Variants in UBE2Z observed in about 807,000 individuals in gnomAD.
The protein encoded by UBE2Z is ubiquitin conjugating enzyme E2 Z, also known as ubiquitin-conjugating enzyme E2 Z.
Under a neutral mutation model 32.6 loss-of-function variants are expected in UBE2Z, and 10 were observed. The observed-to-expected ratio is 0.31, with a 90% CI of 0.19 to 0.52. UBE2Z has a LOEUF of 0.52. Among genes scored for constraint, UBE2Z ranks in the 20% least tolerant of loss-of-function variants. UBE2Z has a pLI of 0.97. For synonymous variants in UBE2Z, 183 were observed against 190.8 expected (o/e 0.96, Z 0.34); for missense variants, 343 against 480.9 (o/e 0.71, Z 2.68).
At chr17:48,919,440 G>T (rs1476271280) in intron 4 of UBE2Z, among the ~76,000 whole-genome samples, 2 of 152,180 alleles carry the variant, frequency 1.3e-5, no homozygotes, top group Non-Finnish European at 2.9e-5. Flanking sequence ...GACCAAAGTT[G>T]AAGTTTATCT....
chr17:48,916,320 A>G (rs1054789677), intron 4 of UBE2Z, 133 bp downstream of exon 4: 16 of 491,086 alleles, frequency 3.3e-5, no homozygotes, highest in African/African-American at 6.2e-5. Context: ...CAGTGGTGCA[A>G]TCTCAGCTTA....
At chr17:48,913,439 C>A (rs318092) in intron 3 of UBE2Z, among the ~76,000 whole-genome samples, 62,589 of 152,108 alleles carry the variant, frequency 0.41, 15,408 homozygotes, top group East Asian at 0.71. Context: ...ACTGCAACCT[C>A]TGCCTCCCAG....
At chr17:48,923,755 C>T (rs777616559) in intron 6 of UBE2Z, among the ~76,000 whole-genome samples, 1 of 147,798 alleles carries the variant, frequency 6.8e-6, no homozygotes, top group Non-Finnish European at 1.5e-5. Context: ...TTTTTAAAGG[C>T]AGGTTCTCAC....
chr17:48,924,566 C>G (rs1207787804), intron 6 of UBE2Z, among the ~76,000 whole-genome samples: 1 of 149,874 alleles, frequency 6.7e-6, no homozygotes, highest in East Asian at 2.0e-4. Context: ...AGATAGACAG[C>G]CAGGTGCGGT....
chr17:48,920,692 G>T (rs934159990), intron 4 of UBE2Z, among the ~76,000 whole-genome samples: 1 of 152,020 alleles, frequency 6.6e-6, no homozygotes, highest in African/African-American at 2.4e-5. Flanking sequence ...CAAAGACCCT[G>T]TCTCCAAAAA....
chr17:48,908,486 C>A lies in UBE2Z; in HGVS notation c.-18C>A. On this transcript the variant is annotated 5_prime_UTR_variant, in exon 1 of 7. Transcript: ENST00000360943. ...GTCGGCGGACGTGCTGCCGAGTAGTCCCGGAAGCGAAGCAGCGATGGCGGA... is the reference window on the plus strand; with the variant it reads ...GTCGGCGGACGTGCTGCCGAGTAGTACCGGAAGCGAAGCAGCGATGGCGGA... The A allele has an allele frequency of 8.1e-7, 1 of 1,232,578 alleles. No homozygotes were observed. Among genetic ancestry groups the A allele is most frequent in the Non-Finnish European group, 1.0e-6 (1 of 988,008 alleles). 76.4% of individuals were successfully genotyped at this position (1,232,578 alleles called of 1,614,324 possible).
At chr17:48,925,925 G>C (rs1382487599) in intron 6 of UBE2Z, among the ~76,000 whole-genome samples, 1 of 152,226 alleles carries the variant, frequency 6.6e-6, no homozygotes, top group Non-Finnish European at 1.5e-5. Context: ...CAATGTGAGA[G>C]GGAAAGTTGT....
chr17:48,915,628 C>T (rs1444240340), intron 3 of UBE2Z: 1 of 184,722 alleles, frequency 5.4e-6, no homozygotes, highest in Non-Finnish European at 1.1e-5. Context: ...AGCCCCACCA[C>T]ATGGCCTCTA....
chr17:48,928,434 T>A lies in UBE2Z; in HGVS notation c.*1300T>A, dbSNP rs538702827. Reference sequence around the variant, plus strand: ...ATATGTTCTCCCCGTACTTCCAGATTTATTGTTATGGCTCCCAGTGGGTAT... The same window carrying A: ...ATATGTTCTCCCCGTACTTCCAGATATATTGTTATGGCTCCCAGTGGGTAT... On this transcript the variant is annotated 3_prime_UTR_variant, in exon 7 of 7. Coordinates refer to ENST00000360943, the MANE Select transcript of UBE2Z (RefSeq NM_023079.5). 1 of 152,822 alleles carries A rather than the reference T, an allele frequency of 6.5e-6. No homozygotes were observed. Among genetic ancestry groups the A allele is most frequent in the East Asian group, 1.9e-4 (1 of 5,182 alleles). 9.5% of individuals were successfully genotyped at this position (152,822 alleles called of 1,614,324 possible).
At chr17:48,923,482 A>C (rs1003900134) in intron 6 of UBE2Z, among the ~76,000 whole-genome samples, 2 of 151,906 alleles carry the variant, frequency 1.3e-5, no homozygotes, top group African/African-American at 4.8e-5. Flanking sequence ...AACACAAAAA[A>C]TTGGCTCAGC....
At position 48,929,030 on chromosome 17, in the gene UBE2Z, G is replaced by A. The variant is rs916717976; in HGVS notation, c.*1896G>A. ...TTTTGTTTTTTTTGTTTTCCTTTTT[G>A]GTGCAATAAAGTTTGTTTTGGCAGA... On this transcript the variant is annotated 3_prime_UTR_variant, in exon 7 of 7. Coordinates refer to ENST00000360943, the MANE Select transcript of UBE2Z (RefSeq NM_023079.5). The A allele has an allele frequency of 4.6e-5, 7 of 152,080 alleles. No individual in the cohort carries two copies. Among genetic ancestry groups the A allele is most frequent in the Non-Finnish European group, 8.8e-5 (6 of 67,950 alleles). 9.4% of individuals were successfully genotyped at this position (152,080 alleles called of 1,614,324 possible).
chr17:48,916,193 G>A lies in UBE2Z; in HGVS notation c.690+6G>A, dbSNP rs1025129717. ...ATGAGCCCGGCTTTGAACAGGTAAG[G>A]CCAGATGGGCCTGGCTCTGGGGTGT... On this transcript the variant is annotated splice_donor_region_variant and intron_variant, in intron 4 of 6. Transcript: ENST00000360943. The A allele has an allele frequency of 1.2e-5, 18 of 1,521,922 alleles. No individual in the cohort carries two copies. Among genetic ancestry groups the A allele is most frequent in the Non-Finnish European group, 1.5e-5 (17 of 1,134,812 alleles). The allele number at this position is 1,521,922 out of a possible 1,614,324, so 94.3% of individuals were successfully genotyped here.
chr17:48,921,157 T>C lies in UBE2Z; in HGVS notation c.691-3T>C, dbSNP rs1048459013. 4.4e-6 allele frequency: 7 copies of C among 1,607,470 alleles called. No homozygotes were observed. In the African/African-American group the frequency reaches 9.4e-5, roughly 22 times the overall value. On this transcript the variant is annotated splice_polypyrimidine_tract_variant and splice_region_variant and intron_variant, in intron 4 of 6. Transcript: ENST00000360943. Reference sequence around the variant, plus strand: ...GAATACTCTGGCATCTGTTACATTATAGGAGAGACATCCAGGAGACAGCAA... The same window carrying C: ...GAATACTCTGGCATCTGTTACATTACAGGAGAGACATCCAGGAGACAGCAA...
intron 4 of UBE2Z, 109 bp from the exon 5 acceptor site, chr17:48,921,051 T>A: frequency 1.2e-6 from 1 of 833,208 alleles, no homozygotes; most frequent in Non-Finnish European, 1.9e-6. Flanking sequence ...AAGGTATCTT[T>A]TTAGTTTGTG....
At position 48,922,924 on chromosome 17, in the gene UBE2Z, G is replaced by T. The variant is rs1186885485; in HGVS notation, c.881G>T (p.Gly294Val). Reference protein sequence around the residue: ...VACKDRLHLQGQTMQDPFGEK... With the variant: ...VACKDRLHLQVQTMQDPFGEK... ...TGCAAAGATCGCCTGCACCTTCAAG[G>T]CCAAACTATGCAGGTAATACAACCC... The change falls in exon 6 of 7, where the codon GGC becomes GTC. Residue 294 changes from glycine to valine, a missense_variant. Gly to Val is a moderately radical substitution (Grantham distance 109, BLOSUM62 -3). This residue lies in a region of UBE2Z where 182 missense variants were observed against 312.4 expected (regional missense o/e 0.58). Coordinates refer to ENST00000360943, the MANE Select transcript of UBE2Z (RefSeq NM_023079.5). 6.2e-7 allele frequency: 1 copy of T among 1,611,472 alleles called. No individual in the cohort carries two copies. The highest frequency in any genetic ancestry group is 8.5e-7 in the Non-Finnish European group (1 of 1,178,676).
chr17:48,915,516 C>T (rs2040712448), intron 3 of UBE2Z, among the ~76,000 whole-genome samples: 1 of 152,210 alleles, frequency 6.6e-6, no homozygotes, highest in Admixed American at 6.5e-5. Context: ...CTTCCACTGT[C>T]TGGAAGCACC....
At chr17:48,921,778 T>G (rs1238163134) in intron 5 of UBE2Z, among the ~76,000 whole-genome samples, 1 of 152,074 alleles carries the variant, frequency 6.6e-6, no homozygotes, top group African/African-American at 2.4e-5. Flanking sequence ...CCTGTAATCC[T>G]AGTACTTTGG....
intron 4 of UBE2Z, among the ~76,000 whole-genome samples, chr17:48,919,308 A>G: frequency 6.6e-6 from 1 of 152,086 alleles, no homozygotes; most frequent in East Asian, 1.9e-4. Context: ...ATCAGAGGCC[A>G]GGGCTCTAAT....
chr17:48,909,737 C>G (rs1430655847), intron 1 of UBE2Z, among the ~76,000 whole-genome samples: 1 of 152,084 alleles, frequency 6.6e-6, no homozygotes, highest in African/African-American at 2.4e-5. Context: ...AAGGGCAGTG[C>G]TCTTTAGCTA....
Sources: allele counts gnomAD v4.1 joint callset (sites outside exome capture counted in the v4.1 genomes callset), GRCh38; gene constraint gnomAD v4.1.1; regional missense constraint gnomAD v4.1.1; transcripts MANE v1.5; gene names NCBI Gene and HGNC (gene_info 2026-07-23, HGNC 2026-07-21).